Variants in RFX3 observed in about 807,000 individuals in gnomAD.
RFX3 encodes transcription factor RFX3.
A neutral mutation model predicts 98.6 loss-of-function variants in RFX3; 14 were observed. That is an observed-to-expected ratio of 0.14 (90% CI 0.09 to 0.22). The LOEUF (loss-of-function observed/expected upper bound fraction) is 0.22. Ranked by LOEUF, RFX3 falls within the 10% of genes least tolerant of loss-of-function variation. RFX3 has a pLI of 1.00. For missense variants in RFX3, 639 were observed against 926.9 expected (o/e 0.69, Z 4.03); for synonymous variants, 383 against 328.4 (o/e 1.17, Z -1.80).
chr9:3,516,078 T>C (rs1451824829), intron 1 of RFX3, among the ~76,000 whole-genome samples: 1 of 152,138 alleles, frequency 6.6e-6, no homozygotes, highest in Non-Finnish European at 1.5e-5. Flanking sequence ...AGATGGAGTC[T>C]TGCTCTGTTG....
At chr9:3,351,140 GT>G (rs1244746273) in intron 2 of RFX3, among the ~76,000 whole-genome samples, 3 of 151,122 alleles carry the variant, frequency 2.0e-5, no homozygotes, top group Non-Finnish European at 4.4e-5. Flanking sequence ...TATAACAAAT[GT>G]ACCTCTCTGG....
At chr9:3,384,794 C>A (rs10971685) in intron 2 of RFX3, among the ~76,000 whole-genome samples, 34,443 of 151,996 alleles carry the variant, frequency 0.23, 4,314 homozygotes, top group African/African-American at 0.34. Context: ...TCTTACCACA[C>A]CCTTCCCACG....
At chr9:3,237,690 A>G (rs1819347948) in intron 15 of RFX3, among the ~76,000 whole-genome samples, 1 of 152,244 alleles carries the variant, frequency 6.6e-6, no homozygotes, top group Non-Finnish European at 1.5e-5. Context: ...CTATGAAAAA[A>G]TGTCCTTATG....
chr9:3,333,609 G>A (rs1832841071), intron 3 of RFX3, among the ~76,000 whole-genome samples: 2 of 152,016 alleles, frequency 1.3e-5, no homozygotes, highest in Non-Finnish European at 2.9e-5. Context: ...GAGAAATGAG[G>A]TCATTTTAAT....
intron 1 of RFX3, among the ~76,000 whole-genome samples, chr9:3,449,998 T>C (rs1288667699): frequency 6.6e-6 from 1 of 152,214 alleles, no homozygotes; most frequent in Non-Finnish European, 1.5e-5. Context: ...GATTTTGGTT[T>C]TTATAGTTTA....
rs1022859027 is a variant in RFX3 at position 3,341,418 on chromosome 9, A to T, written c.215+5249T>A. Among the ~76,000 whole-genome samples, 45 of 80,820 alleles carry T rather than the reference A, an allele frequency of 5.6e-4. No homozygotes were observed. In the African/African-American group the frequency reaches 5.8e-3, roughly 10 times the overall value. 53.0% of individuals were successfully genotyped at this position (80,820 alleles called of 152,430 possible). On this transcript the variant is annotated intron_variant, in intron 3 of 16. Transcript: ENST00000617270. ...TTAAAGTATAATAATAATAAAATTA[A>T]AAAAAAAAAGATTTAACAACTGAAG...
chr9:3,378,786 C>T (rs549916516), intron 2 of RFX3, among the ~76,000 whole-genome samples: 11 of 152,058 alleles, frequency 7.2e-5, no homozygotes, highest in East Asian at 1.9e-4. Flanking sequence ...AAACTCCTGA[C>T]CTCAGGTGGT....
At chr9:3,507,800 T>C (rs1250788204) in intron 1 of RFX3, among the ~76,000 whole-genome samples, 1 of 151,998 alleles carries the variant, frequency 6.6e-6, no homozygotes, top group Non-Finnish European at 1.5e-5. Context: ...TATTGTTGTG[T>C]TGTTATATAT....
intron 2 of RFX3, among the ~76,000 whole-genome samples, chr9:3,359,042 A>G (rs114789840): frequency 0.072 from 10,960 of 151,720 alleles, 500 homozygotes; most frequent in African/African-American, 0.12. Context: ...GCCCACCCAT[A>G]TCATCTGGTA....
intron 1 of RFX3, among the ~76,000 whole-genome samples, chr9:3,433,147 GA>G (rs961004270): frequency 8.5e-5 from 13 of 152,106 alleles, no homozygotes; most frequent in African/African-American, 3.1e-4. Context: ...GCATTTGGTT[GA>G]AAAAAATCCA....
intron 1 of RFX3, among the ~76,000 whole-genome samples, chr9:3,461,222 C>CA (rs940667395): frequency 6.6e-6 from 1 of 151,756 alleles, no homozygotes; most frequent in African/African-American, 2.4e-5. Flanking sequence ...ATTTTCATCA[C>CA]AAAAAAATAT....
Position 3,316,685 on chromosome 9 carries a change from C to A in RFX3, c.474+13574G>T, listed in dbSNP as rs201730774. Among the ~76,000 whole-genome samples, 8 of 152,178 alleles carry A rather than the reference C, an allele frequency of 5.3e-5. No homozygotes were observed. The East Asian group carries it at 5.8e-4, about 11-fold the overall frequency. On this transcript the variant is annotated intron_variant, in intron 4 of 16. Transcript: ENST00000617270. ...TAAGCAACTTCAGCAAAGTCTCAGG[C>A]TACAAAATCAATGTGCAAAAATCAC...
chr9:3,341,416 TAA>T (rs34541119), intron 3 of RFX3, among the ~76,000 whole-genome samples: 313 of 147,186 alleles, frequency 2.1e-3, no homozygotes, highest in African/African-American at 7.4e-3. Flanking sequence ...ATAATAAAAT[TAA>T]AAAAAAAAAG....
chr9:3,487,804 A>AATTT lies in RFX3; in HGVS notation c.-9+37942_-9+37943insAAAT, dbSNP rs1850400231. ...CAAGTTATTAAAAATATGATTTAAA[A>AATTT]ATTATTAATAGAGTAGATACAAATT... On this transcript the variant is annotated intron_variant, in intron 1 of 16. Coordinates refer to ENST00000617270, the MANE Select transcript of RFX3 (RefSeq NM_001282116.2). 2.0e-5 allele frequency among the ~76,000 whole-genome samples: 3 copies of AATTT among 152,298 alleles called. No individual in the cohort carries two copies. The South Asian group carries it at 6.2e-4, about 32-fold the overall frequency.
At chr9:3,506,616 T>C (rs1312022767) in intron 1 of RFX3, among the ~76,000 whole-genome samples, 4 of 151,914 alleles carry the variant, frequency 2.6e-5, no homozygotes, top group Non-Finnish European at 5.9e-5. Flanking sequence ...AAGTAAGATA[T>C]TAGCCTTGTT....
intron 1 of RFX3, among the ~76,000 whole-genome samples, chr9:3,513,830 C>A (rs1817879502): frequency 6.6e-6 from 1 of 152,132 alleles, no homozygotes; most frequent in Non-Finnish European, 1.5e-5. Context: ...ATAAAAGAAT[C>A]CCACCTTACT....
At chr9:3,400,562 T>C (rs905047465) in intron 1 of RFX3, among the ~76,000 whole-genome samples, 2 of 152,194 alleles carry the variant, frequency 1.3e-5, no homozygotes, top group Non-Finnish European at 2.9e-5. Flanking sequence ...AAAAACTTAG[T>C]CTCTCTTTTG....
intron 3 of RFX3, among the ~76,000 whole-genome samples, chr9:3,341,890 C>T (rs1215826688): frequency 6.6e-6 from 1 of 152,168 alleles, no homozygotes; most frequent in Non-Finnish European, 1.5e-5. Flanking sequence ...TACAGAATTC[C>T]ATGTAACCAT....
At chr9:3,433,226 C>G (rs908053570) in intron 1 of RFX3, among the ~76,000 whole-genome samples, 1 of 152,056 alleles carries the variant, frequency 6.6e-6, no homozygotes, top group Non-Finnish European at 1.5e-5. Flanking sequence ...CATAAAGTCA[C>G]ACAAAGTGTG....
Sources: allele counts gnomAD v4.1 joint callset (sites outside exome capture counted in the v4.1 genomes callset), GRCh38; gene constraint gnomAD v4.1.1; transcripts MANE v1.5; gene names NCBI Gene and HGNC (gene_info 2026-07-23, HGNC 2026-07-21).